The following NPBWR1 variants were observed in gnomAD, a reference collection of about 807,000 sequenced individuals.
NPBWR1 encodes neuropeptides B and W receptor 1.
Under a neutral mutation model 2.8 loss-of-function variants are expected in NPBWR1, and 4 were observed. That is an observed-to-expected ratio of 1.44 (90% confidence interval 0.71 to 3.29). The LOEUF is 3.29. Ranked by LOEUF, NPBWR1 falls within the 30% of genes most tolerant of loss-of-function variation. NPBWR1 has a pLI of 0.01. For synonymous variants in NPBWR1, 250 were observed against 224.5 expected (o/e 1.11, Z -1.02); for missense variants, 545 against 462.5 (o/e 1.18, Z -1.64).
In NPBWR1 at chr8:52,939,948, C is replaced by T. The variant is rs1860159209; in HGVS notation, c.41C>T (p.Ala14Val). The change falls in exon 2 of 2, where the codon GCA (alanine) becomes GTA (valine). Residue 14 changes from alanine (A) to valine (V), a missense_variant. Transcript: ENST00000674939. ...TTCTCGGAGCCCTGGCCCGCCAACG[C>T]ATCGGGCCCGGACCCGGCGCTGAGC... Reference protein sequence around the residue: ...ASFSEPWPANASGPDPALSCS... With the variant: ...ASFSEPWPANVSGPDPALSCS... The T allele has an allele frequency of 6.3e-7, 1 of 1,576,468 alleles. No homozygotes were observed. Among genetic ancestry groups the T allele is most frequent in the Non-Finnish European group, 8.6e-7 (1 of 1,167,752 alleles).
In NPBWR1 at chr8:52,940,252, C is replaced by T; in HGVS notation, c.345C>T (p.Ile115=). The change falls in exon 2 of 2, where the codon ATC becomes ATT. Residue 115 remains isoleucine (I), a synonymous_variant. Transcript: ENST00000674939. ...TCATGTGCAAGCTCATCGTGGCTAT[C>T]GACCAGTACAACACCTTCTCCAGCC... The part of the protein sequence containing the change: ...GELMCKLIVA[I]DQYNTFSSLY... 1 of 1,613,644 alleles carries T rather than the reference C, an allele frequency of 6.2e-7. No homozygotes were observed. The highest frequency in any genetic ancestry group is 8.5e-7 in the Non-Finnish European group (1 of 1,179,984).
rs899952180 is a variant in NPBWR1, at chr8:52,941,364, C to G, written c.*470C>G. On this transcript the variant is annotated 3_prime_UTR_variant, in exon 2 of 2. Transcript: ENST00000674939. ...CCCTGCTGTAGCTGGCGCACAGCCC[C>G]GGCGGGTCCCCTTGTCCTCCGCGCG... 6.6e-6 allele frequency among the ~76,000 whole-genome samples: 1 copy of G among 152,202 alleles called. No individual in the cohort carries two copies. The highest frequency in any genetic ancestry group is 2.4e-5 in the African/African-American group (1 of 41,468).
chr8:52,940,497 C>G lies in NPBWR1; in HGVS notation c.590C>G (p.Ala197Gly). The part of the protein sequence containing the change: ...QCVLVFPQPE[A>G]FWWRASRLYT... ...GTGCTAGTCTTTCCGCAGCCCGAGG[C>G]CTTCTGGTGGCGCGCGAGCCGCCTC... Residue 197 changes from alanine (A) to glycine (G), a missense_variant, in exon 2 of 2, where the codon GCC (alanine) becomes GGC (glycine). Physicochemically the swap from Ala to Gly is moderately conservative, Grantham distance 60. Coordinates refer to ENST00000674939, the MANE Select transcript of NPBWR1 (RefSeq NM_005285.5). The G allele has an allele frequency of 6.3e-7, 1 of 1,585,138 alleles. No individual in the cohort carries two copies. Among genetic ancestry groups the G allele is most frequent in the East Asian group, 2.3e-5 (1 of 43,278 alleles).
chr8:52,940,302 C>G lies in NPBWR1; in HGVS notation c.395C>G (p.Ala132Gly). 1.2e-6 allele frequency: 2 copies of G among 1,612,958 alleles called. No individual in the cohort carries two copies. The highest frequency in any genetic ancestry group is 1.7e-6 in the Non-Finnish European group (2 of 1,179,952). Residue 132 changes from alanine to glycine, a missense_variant, in exon 2 of 2, where the codon GCC becomes GGC. By Grantham distance (60) the Ala-to-Gly change is moderately conservative. Coordinates refer to ENST00000674939, the MANE Select transcript of NPBWR1 (RefSeq NM_005285.5). ...SSLYFLTVMS[A>G]DRYLVVLATA... ...CTCTACTTCCTCACCGTCATGAGCG[C>G]CGACCGCTACCTGGTGGTGTTGGCC...
chr8:52,941,563 G>A lies in NPBWR1; in HGVS notation c.*669G>A, dbSNP rs1860203499. Among the ~76,000 whole-genome samples, 1 of 152,264 alleles carries A rather than the reference G, an allele frequency of 6.6e-6. No individual in the cohort carries two copies. Among genetic ancestry groups the A allele is most frequent in the South Asian group, 2.1e-4 (1 of 4,834 alleles). ...TGTATACACCTGTGTGTGTGTGTGTGTGGTGTGCGCGCGTTTGCGGAGGCA... is the reference window on the plus strand; with the variant it reads ...TGTATACACCTGTGTGTGTGTGTGTATGGTGTGCGCGCGTTTGCGGAGGCA... On this transcript the variant is annotated 3_prime_UTR_variant, in exon 2 of 2. Coordinates refer to ENST00000674939, the MANE Select transcript of NPBWR1 (RefSeq NM_005285.5).
rs1860175786 is a variant in NPBWR1 at position 52,940,471 on chromosome 8, C to T, written c.564C>T (p.Cys188=). Residue 188 remains cysteine, a synonymous_variant, in exon 2 of 2, where the codon TGC becomes TGT. Coordinates refer to ENST00000674939, the MANE Select transcript of NPBWR1 (RefSeq NM_005285.5). ...RLDDEQGRRQ[C]VLVFPQPEAF... is the part of the protein sequence containing the mutation. Reference sequence around the variant, plus strand: ...ACGACGAGCAGGGCCGGCGCCAGTGCGTGCTAGTCTTTCCGCAGCCCGAGG... The same window carrying T: ...ACGACGAGCAGGGCCGGCGCCAGTGTGTGCTAGTCTTTCCGCAGCCCGAGG... The T allele has an allele frequency of 2.5e-6, 4 of 1,586,554 alleles. No individual in the cohort carries two copies. The highest frequency in any genetic ancestry group is 1.7e-5 in the Admixed American group (1 of 57,370).
At position 52,940,543 on chromosome 8, in the gene NPBWR1, C is replaced by A; in HGVS notation, c.636C>A (p.Phe212Leu). The A allele has an allele frequency of 6.3e-7, 1 of 1,595,918 alleles. No homozygotes were observed. Among genetic ancestry groups the A allele is most frequent in the East Asian group, 2.3e-5 (1 of 43,936 alleles). The part of the protein sequence containing the change: ...ASRLYTLVLG[F>L]AIPVSTICVL... ...GCCTCTACACGCTCGTGCTGGGCTT[C>A]GCCATCCCCGTGTCCACCATCTGTG... is the stretch of plus-strand genomic sequence containing the variant. The change falls in exon 2 of 2, where the codon TTC becomes TTA. Residue 212 changes from phenylalanine (F) to leucine (L), a missense_variant. Phe to Leu is a conservative substitution (Grantham distance 22). Coordinates refer to ENST00000674939, the MANE Select transcript of NPBWR1 (RefSeq NM_005285.5).
chr8:52,939,539 T>G, intron 1 of NPBWR1, 172 bp from the exon 2 acceptor site: 1 of 231,530 alleles, frequency 4.3e-6, no homozygotes, highest in Non-Finnish European at 8.3e-6. Context: ...TCTCTAGCAT[T>G]TCGTTTGATG....
chr8:52,939,984 C>T lies in NPBWR1; in HGVS notation c.77C>T (p.Ala26Val), dbSNP rs764864940. ...GPDPALSCSN[A>V]STLAPLPAPL... Reference sequence around the variant, plus strand: ...GACCCGGCGCTGAGCTGCTCCAACGCGTCGACTCTGGCGCCGCTGCCGGCG... The same window carrying T: ...GACCCGGCGCTGAGCTGCTCCAACGTGTCGACTCTGGCGCCGCTGCCGGCG... Residue 26 changes from alanine to valine, a missense_variant, in exon 2 of 2, where the codon GCG (alanine) becomes GTG (valine). Ala to Val is a moderately conservative substitution (Grantham distance 64). Transcript: ENST00000674939. The T allele has an allele frequency of 2.5e-6, 4 of 1,601,992 alleles. No individual in the cohort carries two copies. The South Asian group carries it at 3.3e-5, about 13-fold the overall frequency.
rs1860180210 is a variant in NPBWR1, at chr8:52,940,640, G to C, written c.733G>C (p.Ala245Pro). Reference protein sequence around the residue: ...LDSHAKALERAKKRVTFLVVA... With the variant: ...LDSHAKALERPKKRVTFLVVA... ...CAGCCACGCCAAGGCCCTGGAGCGC[G>C]CCAAGAAGCGGGTGACCTTCCTGGT... The change falls in exon 2 of 2, where the codon GCC becomes CCC. Residue 245 changes from alanine (A) to proline (P), a missense_variant. Transcript: ENST00000674939. 6.2e-7 allele frequency: 1 copy of C among 1,609,532 alleles called. No homozygotes were observed. The highest frequency in any genetic ancestry group is 1.7e-5 in the Admixed American group (1 of 59,654).
chr8:52,940,118 G>A lies in NPBWR1; in HGVS notation c.211G>A (p.Val71Ile), dbSNP rs866687729. Reference protein sequence around the residue: ...VLLRAPRMKTVTNLFILNLAI... With the variant: ...VLLRAPRMKTITNLFILNLAI... ...GCTGCGGGCGCCCCGCATGAAGACC[G>A]TCACCAACCTGTTCATCCTCAACCT... is the stretch of plus-strand genomic sequence containing the variant. Residue 71 changes from valine (V) to isoleucine (I), a missense_variant, in exon 2 of 2, where the codon GTC (valine) becomes ATC (isoleucine). Val to Ile is a conservative substitution (Grantham distance 29). Coordinates refer to ENST00000674939, the MANE Select transcript of NPBWR1 (RefSeq NM_005285.5). 6.2e-7 allele frequency: 1 copy of A among 1,612,934 alleles called. No homozygotes were observed. Among genetic ancestry groups the A allele is most frequent in the South Asian group, 1.1e-5 (1 of 91,080 alleles).
intron 1 of NPBWR1, 171 bp downstream of exon 1, chr8:52,939,537 A>G: frequency 4.4e-6 from 1 of 227,678 alleles, no homozygotes. Context: ...TCTCTCTAGC[A>G]TTTCGTTTGA....
rs1802909030 is a variant in NPBWR1, at chr8:52,943,027, C to A, written c.*2133C>A. On this transcript the variant is annotated 3_prime_UTR_variant, in exon 2 of 2. Coordinates refer to ENST00000674939, the MANE Select transcript of NPBWR1 (RefSeq NM_005285.5). Reference sequence around the variant, plus strand: ...TAAAGTTTTAAACTTAGAGTAACTTCTAGATTACCTAAGGTGATGGACAAA... The same window carrying A: ...TAAAGTTTTAAACTTAGAGTAACTTATAGATTACCTAAGGTGATGGACAAA... Among the ~76,000 whole-genome samples, 1 of 152,208 alleles carries A rather than the reference C, an allele frequency of 6.6e-6. No individual in the cohort carries two copies. Among genetic ancestry groups the A allele is most frequent in the Admixed American group, 6.5e-5 (1 of 15,280 alleles).
rs1349311508 is a variant in NPBWR1, at chr8:52,940,127, C to T, written c.220C>T (p.Leu74=). Residue 74 remains leucine (L), a synonymous_variant, in exon 2 of 2, where the codon CTG becomes TTG. Coordinates refer to ENST00000674939, the MANE Select transcript of NPBWR1 (RefSeq NM_005285.5). The stretch of plus-strand genomic sequence containing the variant: ...GCCCCGCATGAAGACCGTCACCAAC[C>T]TGTTCATCCTCAACCTGGCCATCGC... The part of the protein sequence containing the change: ...RAPRMKTVTN[L]FILNLAIADE... The T allele has an allele frequency of 1.9e-6, 3 of 1,613,168 alleles. No individual in the cohort carries two copies. In the East Asian group the frequency reaches 6.7e-5, roughly 36 times the overall value.
Position 52,941,123 on chromosome 8 carries a change from A to T in NPBWR1, c.*229A>T, listed in dbSNP as rs1038501623. 5.4e-5 allele frequency: 33 copies of T among 610,570 alleles called. No individual in the cohort carries two copies. The highest frequency in any genetic ancestry group is 8.7e-5 in the Non-Finnish European group (31 of 354,308). The allele number at this position is 610,570 out of a possible 1,614,324, so 37.8% of individuals were successfully genotyped here. ...CCGGGTGAGGAGAACTGAGGCTGAGATCGCCACACTGAGGGCTCCCTAAAG... is the reference window on the plus strand; with the variant it reads ...CCGGGTGAGGAGAACTGAGGCTGAGTTCGCCACACTGAGGGCTCCCTAAAG... On this transcript the variant is annotated 3_prime_UTR_variant, in exon 2 of 2. Transcript: ENST00000674939.
chr8:52,939,616 C>T (rs985824333), intron 1 of NPBWR1, 95 bp from the exon 2 acceptor site: 9 of 396,738 alleles, frequency 2.3e-5, no homozygotes, highest in African/African-American at 1.9e-4. Context: ...AGGTTTGGGG[C>T]GCCGCGGCGC....
Position 52,940,370 on chromosome 8 carries a change from G to A in NPBWR1, c.463G>A (p.Ala155Thr), listed in dbSNP as rs1860172780. 2 of 1,604,744 alleles carry A rather than the reference G, an allele frequency of 1.2e-6. No individual in the cohort carries two copies. Residue 155 changes from alanine to threonine, a missense_variant, in exon 2 of 2, where the codon GCG (alanine) becomes ACG (threonine). Transcript: ENST00000674939. Reference protein sequence around the residue: ...RRVAGRTYSAARAVSLAVWGI... With the variant: ...RRVAGRTYSATRAVSLAVWGI... Reference sequence around the variant, plus strand: ...GGTGGCCGGCCGCACCTACAGCGCCGCGCGCGCGGTGAGCCTGGCCGTGTG... The same window carrying A: ...GGTGGCCGGCCGCACCTACAGCGCCACGCGCGCGGTGAGCCTGGCCGTGTG...
At position 52,941,466 on chromosome 8, in the gene NPBWR1, G is replaced by A. The variant is rs188102444; in HGVS notation, c.*572G>A. Reference sequence around the variant, plus strand: ...CGCTTGGCCTGGCGCCGCGGGCGGGGACCGCTGCCGAGGCCGCCAGCGCCT... The same window carrying A: ...CGCTTGGCCTGGCGCCGCGGGCGGGAACCGCTGCCGAGGCCGCCAGCGCCT... On this transcript the variant is annotated 3_prime_UTR_variant, in exon 2 of 2. Coordinates refer to ENST00000674939, the MANE Select transcript of NPBWR1 (RefSeq NM_005285.5). Among the ~76,000 whole-genome samples the A allele has an allele frequency of 1.3e-5, 2 of 152,294 alleles. No homozygotes were observed. The highest frequency in any genetic ancestry group is 2.4e-5 in the African/African-American group (1 of 41,572).
In NPBWR1 at chr8:52,941,802, T is replaced by C. The variant is rs1585513418; in HGVS notation, c.*908T>C. 6.6e-6 allele frequency among the ~76,000 whole-genome samples: 1 copy of C among 152,058 alleles called. No individual in the cohort carries two copies. The highest frequency in any genetic ancestry group is 1.5e-5 in the Non-Finnish European group (1 of 68,018). On this transcript the variant is annotated 3_prime_UTR_variant, in exon 2 of 2. Coordinates refer to ENST00000674939, the MANE Select transcript of NPBWR1 (RefSeq NM_005285.5). ...CCCCCTGGAGGAGCCAGCGGCCGAG[T>C]GCTTAGCGTCGGAGGATCGCGGGGC...
Sources: gnomAD v4.1 joint callset for allele counts (sites outside exome capture counted in the v4.1 genomes callset) on GRCh38, gnomAD v4.1.1 for gene constraint, MANE v1.5 for transcripts, NCBI Gene and HGNC (gene_info 2026-07-23, HGNC 2026-07-21) for gene names.